Variants in NUP85 observed in about 807,000 individuals in gnomAD.
The protein encoded by NUP85 is nucleoporin 85.
NUP85 carries 23 observed loss-of-function variants against 92.8 expected under a neutral mutation model. The observed-to-expected ratio is 0.25, with a 90% CI of 0.18 to 0.35. The LOEUF (loss-of-function observed/expected upper bound fraction) is 0.35. Among genes scored for constraint, NUP85 ranks in the 10% least tolerant of loss-of-function variants. The pLI, the probability that NUP85 is intolerant of heterozygous loss-of-function variation, is 1.00. For synonymous variants in NUP85, 314 were observed against 306.9 expected (o/e 1.02, Z -0.24); for missense variants, 759 against 822.8 (o/e 0.92, Z 0.95).
intron 3 of NUP85, among the ~76,000 whole-genome samples, chr17:75,211,223 G>A (rs1002725701): frequency 4.0e-5 from 6 of 151,264 alleles, no homozygotes; most frequent in African/African-American, 1.2e-4. Context: ...GGCTGGTCTT[G>A]AACTCCTGAC....
intron 7 of NUP85, among the ~76,000 whole-genome samples, chr17:75,223,587 C>CAT (rs2075661485): frequency 6.6e-6 from 1 of 152,040 alleles, no homozygotes; most frequent in African/African-American, 2.4e-5. Flanking sequence ...AGGGTTTCAC[C>CAT]ATGTTGACCA....
chr17:75,211,461 C>A (rs1397137408), intron 3 of NUP85, among the ~76,000 whole-genome samples: 1 of 146,602 alleles, frequency 6.8e-6, no homozygotes, highest in African/African-American at 2.5e-5. Context: ...GAGTCTCACT[C>A]TGTCGCCCAG....
chr17:75,212,337 C>T (rs574219135), intron 4 of NUP85, among the ~76,000 whole-genome samples: 10 of 139,312 alleles, frequency 7.2e-5, no homozygotes, highest in Non-Finnish European at 1.2e-4. Context: ...GGCATGAACT[C>T]AGGTCACTGC....
rs144680877 is a variant in NUP85, at chr17:75,231,860, A to G, written c.1277A>G (p.Tyr426Cys). Residue 426 changes from tyrosine (Y) to cysteine (C), a missense_variant, in exon 14 of 19, where the codon TAC (tyrosine) becomes TGC (cysteine). By Grantham distance (194) the Tyr-to-Cys change is radical. Transcript: ENST00000245544. This position sits in a 1 kb window ranked among gnomAD's most constrained non-coding sequence, Gnocchi z 4.6. ...CAGCTGGGGGTCGATTACTTTGATTACTGCCCCGAGCTGGGCCGAGTCTCC... is the reference window on the plus strand; with the variant it reads ...CAGCTGGGGGTCGATTACTTTGATTGCTGCCCCGAGCTGGGCCGAGTCTCC... ...LWQLGVDYFD[Y>C]CPELGRVSLE... 11 of 1,613,970 alleles carry G rather than the reference A, an allele frequency of 6.8e-6. No homozygotes were observed. Among genetic ancestry groups the G allele is most frequent in the Non-Finnish European group, 9.3e-6 (11 of 1,179,996 alleles).
chr17:75,231,142 T>G lies in NUP85; in HGVS notation c.1095-198T>G, dbSNP rs2076041655. On this transcript the variant is annotated intron_variant, in intron 11 of 18. Coordinates refer to ENST00000245544, the MANE Select transcript of NUP85 (RefSeq NM_024844.5). The surrounding 1 kb of genome is among the most constrained non-coding windows in gnomAD (Gnocchi z 4.6). ...TGGGGTTTTGCCATGTTGCCCAGGC[T>G]GGTCTTAAATTCCTGGACTCAGGTG... 14 of 590,156 alleles carry G rather than the reference T, an allele frequency of 2.4e-5. No individual in the cohort carries two copies. The South Asian group carries it at 2.6e-4, about 11-fold the overall frequency. The allele number at this position is 590,156 out of a possible 1,614,324, so 36.6% of individuals were successfully genotyped here.
intron 1 of NUP85, among the ~76,000 whole-genome samples, chr17:75,207,173 A>T (rs115241715): frequency 0.027 from 4,047 of 150,926 alleles, 183 homozygotes; most frequent in African/African-American, 0.093. Context: ...CTCTGGGGAG[A>T]TATGTGGCCT....
intron 7 of NUP85, among the ~76,000 whole-genome samples, chr17:75,223,854 G>C (rs1049583168): frequency 2.0e-5 from 3 of 151,984 alleles, no homozygotes; most frequent in African/African-American, 4.8e-5. Flanking sequence ...TATAATCAGA[G>C]AAAAACCATT....
At chr17:75,212,458 C>T (rs1405515457) in intron 4 of NUP85, among the ~76,000 whole-genome samples, 1 of 124,758 alleles carries the variant, frequency 8.0e-6, no homozygotes, top group South Asian at 2.7e-4. Flanking sequence ...GAGTCAGCCA[C>T]TGTGCCTGGA....
At position 75,234,802 on chromosome 17, in the gene NUP85, C is replaced by T; in HGVS notation, c.1767+14C>T. The T allele has an allele frequency of 6.2e-7, 1 of 1,613,990 alleles. No homozygotes were observed. Among genetic ancestry groups the T allele is most frequent in the Non-Finnish European group, 8.5e-7 (1 of 1,179,988 alleles). On this transcript the variant is annotated intron_variant, in intron 17 of 18. Coordinates refer to ENST00000245544, the MANE Select transcript of NUP85 (RefSeq NM_024844.5). Reference sequence around the variant, plus strand: ...GAACAGAAACAGGTGAAGGTTGCAGCAGCAGTGGTTTTCTTTGCTTGTCAG... The same window carrying T: ...GAACAGAAACAGGTGAAGGTTGCAGTAGCAGTGGTTTTCTTTGCTTGTCAG...
chr17:75,215,081 G>T (rs2075389026), intron 5 of NUP85, among the ~76,000 whole-genome samples: 2 of 152,140 alleles, frequency 1.3e-5, no homozygotes, highest in Admixed American at 1.3e-4. Flanking sequence ...TGAGGCAGGA[G>T]AATCACTTGA....
At chr17:75,219,779 GGAGGGGCATCGAA>G (rs1244419397) in intron 7 of NUP85, among the ~76,000 whole-genome samples, 1 of 152,194 alleles carries the variant, frequency 6.6e-6, no homozygotes, top group East Asian at 1.9e-4. Context: ...TGCAAGTGCT[GGAGGGGCATCGAA>G]GAAGGCCTCC....
At chr17:75,218,062 G>A in intron 6 of NUP85, 123 bp from the exon 7 acceptor site, 1 of 1,286,984 alleles carries the variant, frequency 7.8e-7, no homozygotes, top group African/African-American at 1.5e-5. Context: ...GTGTGTGACT[G>A]CTTAAAAGGG....
At chr17:75,233,186 C>A in intron 16 of NUP85, 28 bp downstream of exon 16, 3 of 1,600,990 alleles carry the variant, frequency 1.9e-6, no homozygotes, top group Non-Finnish European at 2.6e-6. Context: ...GTGCCCTGTG[C>A]TTTGGGCACA....
At chr17:75,235,514 C>CCTA (rs1568100268) in intron 18 of NUP85, 64 bp from the exon 19 acceptor site, 1 of 1,168,534 alleles carries the variant, frequency 8.6e-7, no homozygotes, top group Admixed American at 1.8e-5. Context: ...TTAGCTAGAC[C>CCTA]CTTCGGGAGT....
intron 5 of NUP85, among the ~76,000 whole-genome samples, chr17:75,214,934 G>C (rs1296505405): frequency 6.6e-6 from 1 of 152,170 alleles, no homozygotes; most frequent in Non-Finnish European, 1.5e-5. Flanking sequence ...CACTTTGGGA[G>C]GCCGAGGCAG....
In NUP85 at chr17:75,232,007, G is replaced by A. The variant is rs535561840; in HGVS notation, c.1396+28G>A. 4.0e-5 allele frequency: 64 copies of A among 1,612,112 alleles called. 1 individual carries two copies. Among genetic ancestry groups the A allele is most frequent in the African/African-American group, 2.3e-4 (17 of 75,030 alleles). On this transcript the variant is annotated intron_variant, in intron 14 of 18. Transcript: ENST00000245544. ...GAGCTGGCCCTGCTCCCAGCCTACT[G>A]TCTGTGGGACGCAGGAGTCAGGGGA...
chr17:75,223,586 C>A (rs1367044927), intron 7 of NUP85, among the ~76,000 whole-genome samples: 1 of 152,064 alleles, frequency 6.6e-6, no homozygotes, highest in Non-Finnish European at 1.5e-5. Context: ...CAGGGTTTCA[C>A]CATGTTGACC....
Position 75,231,409 on chromosome 17 carries a change from G to A in NUP85, c.1164G>A (p.Gln388=), listed in dbSNP as rs774518410. Residue 388 remains glutamine (Q), a synonymous_variant, in exon 12 of 19, where the codon CAG becomes CAA. Transcript: ENST00000245544. The surrounding 1 kb of genome is among the most constrained non-coding windows in gnomAD (Gnocchi z 4.6). ...TDLLDHCKLL[Q]SHNLYFGSNM... ...TGCTGGACCACTGCAAGCTCCTCCAGTCACACAACCTCTAGTAAGTGGCCG... is the reference window on the plus strand; with the variant it reads ...TGCTGGACCACTGCAAGCTCCTCCAATCACACAACCTCTAGTAAGTGGCCG... 1.2e-6 allele frequency: 2 copies of A among 1,614,200 alleles called. No individual in the cohort carries two copies. Among genetic ancestry groups the A allele is most frequent in the Non-Finnish European group, 1.7e-6 (2 of 1,180,042 alleles).
rs367852869 is a variant in NUP85, at chr17:75,225,512, C to G, written c.855+48C>G. 10 of 1,599,540 alleles carry G rather than the reference C, an allele frequency of 6.3e-6. No homozygotes were observed. In the African/African-American group the frequency reaches 1.2e-4, roughly 19 times the overall value. The stretch of plus-strand genomic sequence containing the variant: ...CATCCATGTTGGCTTCCTATGGGGG[C>G]TGTGGCATCCAGTGCAGCAGTGGCA... On this transcript the variant is annotated intron_variant, in intron 9 of 18. Coordinates refer to ENST00000245544, the MANE Select transcript of NUP85 (RefSeq NM_024844.5).
Sources: gnomAD v4.1 joint callset for allele counts (sites outside exome capture counted in the v4.1 genomes callset) on GRCh38, gnomAD v4.1.1 for gene constraint, Gnocchi (gnomAD v3.1) non-coding constraint, MANE v1.5 for transcripts, NCBI Gene and HGNC (gene_info 2026-07-23, HGNC 2026-07-21) for gene names.